Variants in CSMD1 observed in about 807,000 individuals in gnomAD.
CSMD1 encodes CUB and Sushi multiple domains 1.
In CSMD1, 213 loss-of-function variants were observed where a neutral mutation model predicts 417.5. The observed-to-expected ratio is 0.51, with a 90% CI of 0.46 to 0.57. CSMD1 has a LOEUF of 0.57. CSMD1 is among the 20% of genes least tolerant of loss of function. The pLI is 0.00. For missense variants in CSMD1, 6,923 were observed against 4,529.7 expected (o/e 1.53, Z -15.17); for synonymous variants, 2,862 against 1,736.8 (o/e 1.65, Z -16.11).
At chr8:3,365,711 C>T (rs1809516074) in intron 20 of CSMD1, among the ~76,000 whole-genome samples, 1 of 152,170 alleles carries the variant, frequency 6.6e-6, no homozygotes, top group Non-Finnish European at 1.5e-5. Flanking sequence ...CAACAGTAGG[C>T]TATTAGTAGT....
chr8:4,349,234 T>A (rs1800948682), intron 3 of CSMD1, among the ~76,000 whole-genome samples: 1 of 152,224 alleles, frequency 6.6e-6, no homozygotes, highest in African/African-American at 2.4e-5. Context: ...TGTTTGCTAA[T>A]TGTCTTGTGG....
At chr8:4,402,015 C>G (rs1366104949) in intron 3 of CSMD1, among the ~76,000 whole-genome samples, 4 of 152,134 alleles carry the variant, frequency 2.6e-5, no homozygotes, top group Non-Finnish European at 5.9e-5. Context: ...GCTGCTACCA[C>G]TGTTATAATT....
intron 50 of CSMD1, among the ~76,000 whole-genome samples, chr8:3,039,283 T>TACTTCCTTCCTCTCTCTCTCCCTTC (rs1393129057): frequency 2.5e-4 from 31 of 122,132 alleles, no homozygotes; most frequent in African/African-American, 7.7e-4. Flanking sequence ...CTTCCTTCCT[T>TACTTCCTTCCTCTCTCTCTCCCTTC]CTTTTCCTTA....
At chr8:3,525,161 G>A (rs1423450088) in intron 10 of CSMD1, among the ~76,000 whole-genome samples, 2 of 152,104 alleles carry the variant, frequency 1.3e-5, no homozygotes, top group African/African-American at 4.8e-5. Context: ...TCTCAGTAGG[G>A]TCTTCTTGTC....
chr8:4,780,347 A>G (rs1048350039), intron 1 of CSMD1, among the ~76,000 whole-genome samples: 1 of 152,194 alleles, frequency 6.6e-6, no homozygotes, highest in Non-Finnish European at 1.5e-5. Context: ...AGAACTAATT[A>G]GGACATTAAG....
At chr8:4,807,834 G>C (rs1483542997) in intron 1 of CSMD1, among the ~76,000 whole-genome samples, 1 of 151,938 alleles carries the variant, frequency 6.6e-6, no homozygotes, top group Non-Finnish European at 1.5e-5. Context: ...AATAATAATA[G>C]CAAGCTATGT....
At position 3,694,732 on chromosome 8, in the gene CSMD1, C is replaced by T. The variant is rs565718695; in HGVS notation, c.1009+13682G>A. On this transcript the variant is annotated intron_variant, in intron 7 of 69. Transcript: ENST00000635120. ...GGGGAGAACCTGGAGGAAGCAGGTG[C>T]CATTCTGCTTCGAAAGCAACACCAA... is the stretch of plus-strand genomic sequence containing the variant. Among the ~76,000 whole-genome samples, 7 of 151,852 alleles carry T rather than the reference C, an allele frequency of 4.6e-5. No homozygotes were observed. In the South Asian group the frequency reaches 6.3e-4, roughly 14 times the overall value.
intron 1 of CSMD1, among the ~76,000 whole-genome samples, chr8:4,980,916 C>T (rs74443854): frequency 1.3e-5 from 2 of 150,506 alleles, no homozygotes; most frequent in Non-Finnish European, 1.5e-5. Context: ...AAAAAAAAAA[C>T]TTATTATCTA....
chr8:4,780,867 A>G (rs1797119472), intron 1 of CSMD1, among the ~76,000 whole-genome samples: 1 of 152,118 alleles, frequency 6.6e-6, no homozygotes, highest in Admixed American at 6.5e-5. Context: ...ATAATCTCCA[A>G]TCTCATCCAG....
chr8:3,691,400 A>T lies in CSMD1; in HGVS notation c.1009+17014T>A, dbSNP rs113576223. On this transcript the variant is annotated intron_variant, in intron 7 of 69. Coordinates refer to ENST00000635120, the MANE Select transcript of CSMD1 (RefSeq NM_033225.6). ...AAACAAAACAAAAAAACAAAAAACA[A>T]AAACAAAACAAACAAAAAACTGTGT... Among the ~76,000 whole-genome samples, 162 of 152,114 alleles carry T rather than the reference A, an allele frequency of 1.1e-3. 2 individuals carry two copies. The highest frequency in any genetic ancestry group is 3.8e-3 in the African/African-American group (156 of 41,502).
intron 1 of CSMD1, among the ~76,000 whole-genome samples, chr8:4,824,170 T>G (rs1001756031): frequency 2.6e-5 from 4 of 151,930 alleles, no homozygotes; most frequent in Admixed American, 6.6e-5. Flanking sequence ...CCTATATATA[T>G]TTTTGGACAA....
chr8:3,214,634 C>T lies in CSMD1; in HGVS notation c.4730G>A (p.Gly1577Glu). ...GGTGGAGCCAAGCTTGAAGTCTGTT[C>T]CAACTCTTGTCCCATTCATTATATT... ...PGNIMNGTRV[G>E]TDFKLGSTIT... Residue 1577 changes from glycine to glutamate, a missense_variant, in exon 30 of 70, where the codon GGA becomes GAA. Gly to Glu is a moderately conservative substitution (Grantham distance 98). Coordinates refer to ENST00000635120, the MANE Select transcript of CSMD1 (RefSeq NM_033225.6). 1 of 1,554,098 alleles carries T rather than the reference C, an allele frequency of 6.4e-7. No homozygotes were observed. The highest frequency in any genetic ancestry group is 8.7e-7 in the Non-Finnish European group (1 of 1,148,264).
At chr8:4,692,287 G>C (rs1806817487) in intron 1 of CSMD1, among the ~76,000 whole-genome samples, 1 of 152,068 alleles carries the variant, frequency 6.6e-6, no homozygotes, top group African/African-American at 2.4e-5. Context: ...TTAGTTATGA[G>C]AAAGGGAGAA....
intron 10 of CSMD1, among the ~76,000 whole-genome samples, chr8:3,529,405 T>C (rs938771058): frequency 8.6e-5 from 13 of 151,914 alleles, no homozygotes; most frequent in African/African-American, 3.1e-4. Flanking sequence ...TTGAAGGAGA[T>C]GGGGGGTTGA....
intron 3 of CSMD1, among the ~76,000 whole-genome samples, chr8:4,302,908 A>C (rs908579024): frequency 3.3e-5 from 5 of 152,016 alleles, no homozygotes; most frequent in Admixed American, 6.6e-5. Flanking sequence ...ATTAACTCAA[A>C]AGACAGATTT....
At chr8:4,045,291 G>T (rs1007486245) in intron 3 of CSMD1, among the ~76,000 whole-genome samples, 1 of 152,172 alleles carries the variant, frequency 6.6e-6, no homozygotes, top group Non-Finnish European at 1.5e-5. Context: ...TATACTACAG[G>T]AATTCTGTCC....
chr8:4,874,307 T>C (rs369512491), intron 1 of CSMD1, among the ~76,000 whole-genome samples: 6 of 152,086 alleles, frequency 3.9e-5, no homozygotes, highest in South Asian at 4.1e-4. Context: ...ATTTATCAAT[T>C]AGTTTATTTT....
At chr8:3,789,404 GTAAGT>G (rs1799610239) in intron 5 of CSMD1, among the ~76,000 whole-genome samples, 4 of 15,784 alleles carry the variant, frequency 2.5e-4, no homozygotes, top group African/African-American at 2.5e-4. Flanking sequence ...TTTTTTTTAA[GTAAGT>G]TTTTTTTTTT....
intron 10 of CSMD1, among the ~76,000 whole-genome samples, chr8:3,503,967 G>C (rs931010340): frequency 4.1e-4 from 62 of 152,142 alleles, no homozygotes; most frequent in African/African-American, 1.4e-3. Context: ...GACAAGAAGT[G>C]GTTGATTTTG....
Sources: allele counts gnomAD v4.1 joint callset (sites outside exome capture counted in the v4.1 genomes callset), GRCh38; gene constraint gnomAD v4.1.1; transcripts MANE v1.5; gene names NCBI Gene and HGNC (gene_info 2026-07-23, HGNC 2026-07-21).